CCDC62: variants seen among roughly 807,000 people sequenced by gnomAD.
CCDC62 encodes coiled-coil domain containing 62, also known as coiled-coil domain-containing protein 62.
In CCDC62, 72 loss-of-function variants were observed where a neutral mutation model predicts 80.8. That is an observed-to-expected ratio of 0.89 (90% CI 0.74 to 1.08). CCDC62 has a LOEUF of 1.08. Among genes scored for constraint, CCDC62 ranks in the 50% least tolerant of loss-of-function variants. The pLI is 0.00. For synonymous variants in CCDC62, 286 were observed against 296.5 expected, an observed-to-expected ratio of 0.96 and a Z score of 0.36; for missense variants, 704 against 809.4, an observed-to-expected ratio of 0.87 and a Z score of 1.58.
At chr12:122,797,475 C>G in intron 7 of CCDC62, 80 bp downstream of exon 7, 1 of 753,560 alleles carries the variant, frequency 1.3e-6, no homozygotes, top group South Asian at 1.5e-5. Context: ...GTATGCCCGT[C>G]GATTTTGTTT....
chr12:122,822,346 C>T (rs541350645), intron 11 of CCDC62, among the ~76,000 whole-genome samples: 4 of 152,040 alleles, frequency 2.6e-5, no homozygotes, highest in Non-Finnish European at 2.9e-5. Flanking sequence ...CCTTGTGATC[C>T]GCCTGCCTCG....
chr12:122,807,983 T>C (rs777129119), intron 10 of CCDC62, among the ~76,000 whole-genome samples: 5 of 152,110 alleles, frequency 3.3e-5, no homozygotes, highest in Non-Finnish European at 7.4e-5. Flanking sequence ...ATATATTAGG[T>C]TGATGCAAAA....
At chr12:122,800,164 C>CTTTTT (rs59113229) in intron 8 of CCDC62, among the ~76,000 whole-genome samples, 33 of 104,922 alleles carry the variant, frequency 3.1e-4, no homozygotes, top group Non-Finnish European at 4.0e-4. Flanking sequence ...TGCCCGGCTA[C>CTTTTT]TTTTTTTTTT....
intron 11 of CCDC62, among the ~76,000 whole-genome samples, chr12:122,821,274 G>A (rs1365124381): frequency 6.6e-6 from 1 of 152,182 alleles, no homozygotes; most frequent in African/African-American, 2.4e-5. Context: ...CTGGGCATTA[G>A]CTGATGGCCA....
intron 10 of CCDC62, among the ~76,000 whole-genome samples, 171 bp from the exon 11 acceptor site, chr12:122,813,099 C>A (rs2032013498): frequency 6.6e-6 from 1 of 152,192 alleles, no homozygotes; most frequent in East Asian, 1.9e-4. Flanking sequence ...GAGGCTGAGG[C>A]AGGAGGATCA....
At chr12:122,785,569 T>G in intron 3 of CCDC62, 150 bp from the exon 4 acceptor site, 1 of 643,588 alleles carries the variant, frequency 1.6e-6, no homozygotes, top group Admixed American at 2.6e-5. Context: ...GTAGGCTTTA[T>G]TAGCCCACTC....
chr12:122,785,406 G>C (rs2030150964), intron 3 of CCDC62, among the ~76,000 whole-genome samples: 1 of 152,028 alleles, frequency 6.6e-6, no homozygotes. Flanking sequence ...ACACATAAAA[G>C]ATACTAGGAA....
intron 10 of CCDC62, among the ~76,000 whole-genome samples, chr12:122,808,914 A>G (rs1385419451): frequency 6.6e-6 from 1 of 152,190 alleles, no homozygotes; most frequent in East Asian, 1.9e-4. Flanking sequence ...ATTCCAGTCA[A>G]TACTTGCAAT....
At chr12:122,819,276 G>C (rs1456399390) in intron 11 of CCDC62, among the ~76,000 whole-genome samples, 1 of 152,214 alleles carries the variant, frequency 6.6e-6, no homozygotes, top group African/African-American at 2.4e-5. Flanking sequence ...TAAGGAAGCA[G>C]GGTAAAGTTC....
At position 122,783,251 on chromosome 12, in the gene CCDC62, G is replaced by A. The variant is rs180813390; in HGVS notation, c.396+1921G>A. ...TCTTTTTTTTTTTTTTTCCTGAGAC[G>A]GAGTCTCGTTCTGTCGCCCAGGCTG... On this transcript the variant is annotated intron_variant, in intron 3 of 12. Coordinates refer to ENST00000253079, the MANE Select transcript of CCDC62 (RefSeq NM_201435.5). Among the ~76,000 whole-genome samples, 588 of 145,550 alleles carry A rather than the reference G, an allele frequency of 4.0e-3. 3 individuals are homozygous for A. The highest frequency in any genetic ancestry group is 0.014 in the African/African-American group (562 of 39,454).
At chr12:122,793,647 G>A (rs1412164877) in intron 6 of CCDC62, among the ~76,000 whole-genome samples, 4 of 152,000 alleles carry the variant, frequency 2.6e-5, no homozygotes, top group Non-Finnish European at 1.5e-5. Flanking sequence ...CAGAGAAGGG[G>A]TCTCACTATG....
At chr12:122,810,562 A>ACTTTTTACC (rs2031825188) in intron 10 of CCDC62, among the ~76,000 whole-genome samples, 3 of 152,006 alleles carry the variant, frequency 2.0e-5, no homozygotes, top group African/African-American at 7.2e-5. Context: ...ACACTTTTAC[A>ACTTTTTACC]CTGTTGGTGG....
Position 122,788,893 on chromosome 12 carries a change from T to C in CCDC62, c.634T>C (p.Leu212=). 2.5e-6 allele frequency: 4 copies of C among 1,606,560 alleles called. No homozygotes were observed. Among genetic ancestry groups the C allele is most frequent in the Non-Finnish European group, 3.4e-6 (4 of 1,178,272 alleles). ...AGAAAAGCAAGATTATAAGCAGAAA[T>C]TGAAGGCACTTAAGATTGAAGTCAA... ...VKEKQDYKQK[L]KALKIEVNKL... Residue 212 remains leucine (L), a synonymous_variant, in exon 5 of 13, where the codon TTG becomes CTG. Transcript: ENST00000253079.
Position 122,827,501 on chromosome 12 carries a change from A to G in CCDC62, c.*1120A>G, listed in dbSNP as rs1296627860. On this transcript the variant is annotated 3_prime_UTR_variant, in exon 13 of 13. Transcript: ENST00000253079. ...TGAGGTTTGGTTATGTTCTTTATCA[A>G]TGCGTGCTTTCTCCCTCAGGCTGGG... 6.6e-6 allele frequency: 1 copy of G among 152,194 alleles called. No individual in the cohort carries two copies. Among genetic ancestry groups the G allele is most frequent in the Non-Finnish European group, 1.5e-5 (1 of 68,054 alleles). 9.4% of individuals were successfully genotyped at this position (152,194 alleles called of 1,614,324 possible). A position where few individuals can be genotyped will look rare whatever the true frequency, so the allele number is the denominator to read the frequency against.
At chr12:122,792,512 G>A (rs947134603) in intron 6 of CCDC62, among the ~76,000 whole-genome samples, 1 of 150,392 alleles carries the variant, frequency 6.6e-6, no homozygotes, top group Admixed American at 6.6e-5. Context: ...GCGTGAGCCC[G>A]GCTTTTTTAT....
intron 8 of CCDC62, among the ~76,000 whole-genome samples, chr12:122,800,871 G>A (rs1218124907): frequency 6.6e-6 from 1 of 152,174 alleles, no homozygotes; most frequent in African/African-American, 2.4e-5. Flanking sequence ...TTATTAAAAG[G>A]TTTTGTCACA....
Position 122,774,684 on chromosome 12 carries a change from C to A in CCDC62, c.14C>A (p.Ala5Glu). The A allele has an allele frequency of 8.0e-7, 1 of 1,256,512 alleles. No individual in the cohort carries two copies. Among genetic ancestry groups the A allele is most frequent in the Non-Finnish European group, 1.0e-6 (1 of 991,588 alleles). The allele number at this position is 1,256,512 out of a possible 1,614,324, so 77.8% of individuals were successfully genotyped here. The change falls in exon 1 of 13, where the codon GCA becomes GAA. Residue 5 changes from alanine (A) to glutamate (E), a missense_variant. Transcript: ENST00000253079. ...GAGGAAACACCTATGAACCCTCCGGCAGCCTTCCTTGCCGGGCGCCAGGTA... is the reference window on the plus strand; with the variant it reads ...GAGGAAACACCTATGAACCCTCCGGAAGCCTTCCTTGCCGGGCGCCAGGTA... MNPP[A>E]AFLAGRQNIG...
intron 3 of CCDC62, among the ~76,000 whole-genome samples, chr12:122,782,326 C>T (rs561517624): frequency 1.9e-4 from 29 of 152,322 alleles, no homozygotes; most frequent in Admixed American, 1.3e-3. Context: ...TTCAGTACAA[C>T]GCTTTTTAAC....
At chr12:122,786,888 A>G (rs1436068725) in intron 4 of CCDC62, among the ~76,000 whole-genome samples, 2 of 152,082 alleles carry the variant, frequency 1.3e-5, no homozygotes, top group East Asian at 3.9e-4. Flanking sequence ...TGAACCTGGG[A>G]GGCGGAGCTT....
Sources: gnomAD v4.1 joint callset for allele counts (sites outside exome capture counted in the v4.1 genomes callset) on GRCh38, gnomAD v4.1.1 for gene constraint, MANE v1.5 for transcripts, NCBI Gene and HGNC (gene_info 2026-07-23, HGNC 2026-07-21) for gene names.